WDR64: variants seen among roughly 807,000 people sequenced by gnomAD.
The protein encoded by WDR64 is WD repeat domain 64, also known as WD repeat-containing protein 64.
WDR64 carries 112 observed loss-of-function variants against 139.3 expected under a neutral mutation model. The observed-to-expected ratio is 0.80, with a 90% CI of 0.69 to 0.94. WDR64 has a LOEUF of 0.94. Among genes scored for constraint, WDR64 ranks in the 40% least tolerant of loss-of-function variants. The pLI is 0.00. For synonymous variants in WDR64, 444 were observed against 437.7 expected (o/e 1.01, Z -0.18); for missense variants, 1,206 against 1,293.1 (o/e 0.93, Z 1.03).
intron 25 of WDR64, among the ~76,000 whole-genome samples, chr1:241,792,723 A>G (rs1659245125): frequency 1.3e-5 from 2 of 152,174 alleles, no homozygotes; most frequent in Non-Finnish European, 2.9e-5. Context: ...AGCCAGATTG[A>G]CAAATACCAA....
chr1:241,741,562 T>C lies in WDR64; in HGVS notation c.1368T>C (p.Asp456=), dbSNP rs886318409. 3 of 1,613,464 alleles carry C rather than the reference T, an allele frequency of 1.9e-6. No individual in the cohort carries two copies. Among genetic ancestry groups the C allele is most frequent in the Admixed American group, 3.3e-5 (2 of 59,912 alleles). ...ATCCTTTGACTAGGATGATACAAGA[T>C]ACAAAACAGGTTCCTCACACTCATG... ...DMYPLTRMIQ[D]TKQVPHTHER... is the part of the protein sequence containing the mutation. The change falls in exon 12 of 28, where the codon GAT becomes GAC. Residue 456 remains aspartate (D), a synonymous_variant. Coordinates refer to ENST00000437684, the MANE Select transcript of WDR64 (RefSeq NM_001367482.1).
intron 10 of WDR64, among the ~76,000 whole-genome samples, chr1:241,725,066 G>T (rs1281132195): frequency 6.6e-6 from 1 of 151,970 alleles, no homozygotes; most frequent in East Asian, 1.9e-4. Flanking sequence ...AAAAAGCAGA[G>T]AAATTGGAAA....
chr1:241,705,589 T>C (rs1667921515), intron 8 of WDR64, among the ~76,000 whole-genome samples: 1 of 147,744 alleles, frequency 6.8e-6, no homozygotes, highest in South Asian at 2.1e-4. Flanking sequence ...ATAATAATAA[T>C]AATAATAAAA....
rs983432839 is a variant in WDR64, at chr1:241,673,924, C to A, written c.380-720C>A. The stretch of plus-strand genomic sequence containing the variant: ...GAGATGGTATTAAGTTTTTATCATG[C>A]GTAAACCACAATGGTGAGAATTCAA... On this transcript the variant is annotated intron_variant, in intron 3 of 27. Coordinates refer to ENST00000437684, the MANE Select transcript of WDR64 (RefSeq NM_001367482.1). 4.7e-4 allele frequency among the ~76,000 whole-genome samples: 71 copies of A among 151,642 alleles called. 1 individual carries two copies. The highest frequency in any genetic ancestry group is 2.8e-4 in the Non-Finnish European group (19 of 67,966).
At chr1:241,780,814 A>G (rs1340780583) in intron 22 of WDR64, among the ~76,000 whole-genome samples, 1 of 152,202 alleles carries the variant, frequency 6.6e-6, no homozygotes, top group Non-Finnish European at 1.5e-5. Context: ...GGTAAATCAG[A>G]GAATAGCTTG....
chr1:241,802,204 C>A lies in WDR64; in HGVS notation c.*989C>A. On this transcript the variant is annotated 3_prime_UTR_variant, in exon 28 of 28. Coordinates refer to ENST00000437684, the MANE Select transcript of WDR64 (RefSeq NM_001367482.1). ...CTATGGTAGGGTAGGACAATGGAAT[C>A]CTCAGCAATTAAAGGGAATAAAATG... is the stretch of plus-strand genomic sequence containing the variant. 2.5e-6 allele frequency: 1 copy of A among 397,076 alleles called. No homozygotes were observed. The highest frequency in any genetic ancestry group is 4.4e-6 in the Non-Finnish European group (1 of 225,670). The allele number at this position is 397,076 out of a possible 1,614,324, so 24.6% of individuals were successfully genotyped here. A position where few individuals can be genotyped will look rare whatever the true frequency, so the allele number is the denominator to read the frequency against.
intron 23 of WDR64, among the ~76,000 whole-genome samples, chr1:241,787,449 A>G (rs1405074952): frequency 6.6e-6 from 1 of 151,856 alleles, no homozygotes; most frequent in Admixed American, 6.6e-5. Context: ...CAGATCACAT[A>G]AGGTCAGGAG....
intron 6 of WDR64, among the ~76,000 whole-genome samples, chr1:241,683,271 T>C (rs1666880998): frequency 6.6e-6 from 1 of 152,208 alleles, no homozygotes; most frequent in South Asian, 2.1e-4. Context: ...ACTCTACTCC[T>C]TTCTCCACAA....
intron 8 of WDR64, among the ~76,000 whole-genome samples, chr1:241,693,341 T>C (rs1045456207): frequency 2.0e-5 from 3 of 152,210 alleles, no homozygotes; most frequent in Non-Finnish European, 2.9e-5. Flanking sequence ...ATTCCAATTA[T>C]ACGACATTCT....
At chr1:241,702,452 C>T (rs995227379) in intron 8 of WDR64, among the ~76,000 whole-genome samples, 1 of 151,040 alleles carries the variant, frequency 6.6e-6, no homozygotes, top group African/African-American at 2.4e-5. Context: ...TAATGCCTGA[C>T]ACAAAGTACT....
chr1:241,694,176 T>C (rs1473373955), intron 8 of WDR64, among the ~76,000 whole-genome samples: 3 of 152,062 alleles, frequency 2.0e-5, no homozygotes, highest in African/African-American at 7.2e-5. Flanking sequence ...AATTCTGAGG[T>C]TTTAAATTTA....
intron 27 of WDR64, among the ~76,000 whole-genome samples, chr1:241,800,455 T>A (rs978765948): frequency 2.0e-5 from 3 of 152,210 alleles, no homozygotes; most frequent in African/African-American, 7.2e-5. Flanking sequence ...TAAATTTTTA[T>A]ACCTATTTCT....
chr1:241,753,924 T>A, intron 14 of WDR64, among the ~76,000 whole-genome samples: 1 of 151,966 alleles, frequency 6.6e-6, no homozygotes, highest in East Asian at 1.9e-4. Context: ...TACATTCAAA[T>A]TAAAAATAAA....
At chr1:241,710,580 T>C (rs1429942380) in intron 8 of WDR64, among the ~76,000 whole-genome samples, 1 of 152,132 alleles carries the variant, frequency 6.6e-6, no homozygotes, top group Non-Finnish European at 1.5e-5. Context: ...AAGTTACATT[T>C]AAGCTGACAC....
At position 241,656,740 on chromosome 1, in the gene WDR64, G is replaced by A. The variant is rs1432953121; in HGVS notation, c.146-3790G>A. 1.3e-5 allele frequency among the ~76,000 whole-genome samples: 2 copies of A among 152,000 alleles called. No individual in the cohort carries two copies. The highest frequency in any genetic ancestry group is 2.9e-5 in the Non-Finnish European group (2 of 68,010). ...TATGTGTGCGTGTGTGGAGTTGGGG[G>A]CCTAGGGTGGGGGCTGTCTTGTGCA... On this transcript the variant is annotated intron_variant, in intron 1 of 27. Coordinates refer to ENST00000437684, the MANE Select transcript of WDR64 (RefSeq NM_001367482.1). The surrounding 1 kb of genome is among the most constrained non-coding windows in gnomAD (Gnocchi z 4.3).
chr1:241,656,747 G>T lies in WDR64; in HGVS notation c.146-3783G>T, dbSNP rs1368561726. ...GCGTGTGTGGAGTTGGGGGCCTAGG[G>T]TGGGGGCTGTCTTGTGCATTGTAGG... On this transcript the variant is annotated intron_variant, in intron 1 of 27. Coordinates refer to ENST00000437684, the MANE Select transcript of WDR64 (RefSeq NM_001367482.1). This position sits in a 1 kb window ranked among gnomAD's most constrained non-coding sequence, Gnocchi z 4.3. Among the ~76,000 whole-genome samples the T allele has an allele frequency of 6.6e-6, 1 of 151,972 alleles. No homozygotes were observed. Among genetic ancestry groups the T allele is most frequent in the East Asian group, 1.9e-4 (1 of 5,186 alleles).
At chr1:241,758,291 A>G (rs1159272488) in intron 15 of WDR64, among the ~76,000 whole-genome samples, 1 of 149,902 alleles carries the variant, frequency 6.7e-6, no homozygotes, top group East Asian at 1.9e-4. Flanking sequence ...TATTCCATCA[A>G]GATTCTCATA....
Position 241,703,741 on chromosome 1 carries a change from T to C in WDR64, c.975-8061T>C, listed in dbSNP as rs1461635650. On this transcript the variant is annotated intron_variant, in intron 8 of 27. Coordinates refer to ENST00000437684, the MANE Select transcript of WDR64 (RefSeq NM_001367482.1). The surrounding 1 kb of genome is among the most constrained non-coding windows in gnomAD (Gnocchi z 5.9). The stretch of plus-strand genomic sequence containing the variant: ...ATACTATCTGAGACTCAATAATTTG[T>C]AAAGGAAAGAGGTTAATTGACTCAC... Among the ~76,000 whole-genome samples the C allele has an allele frequency of 6.6e-6, 1 of 152,142 alleles. No homozygotes were observed. Among genetic ancestry groups the C allele is most frequent in the Non-Finnish European group, 1.5e-5 (1 of 68,024 alleles).
intron 12 of WDR64, among the ~76,000 whole-genome samples, chr1:241,743,513 C>A (rs1043225469): frequency 6.6e-6 from 1 of 152,176 alleles, no homozygotes; most frequent in Non-Finnish European, 1.5e-5. Flanking sequence ...CCCTCTTACC[C>A]AGCTAAAGTG....
Sources: gnomAD v4.1 joint callset for allele counts (sites outside exome capture counted in the v4.1 genomes callset) on GRCh38, gnomAD v4.1.1 for gene constraint, Gnocchi (gnomAD v3.1) non-coding constraint, MANE v1.5 for transcripts, NCBI Gene and HGNC (gene_info 2026-07-23, HGNC 2026-07-21) for gene names.